Variants in ZDHHC15 observed in about 807,000 individuals in gnomAD.
ZDHHC15 encodes the protein zDHHC palmitoyltransferase 15.
Under a neutral mutation model 31.7 loss-of-function variants are expected in ZDHHC15, and 19 were observed. The ratio of observed to expected loss-of-function variants is 0.60; its 90% CI spans 0.42 to 0.88. ZDHHC15 has a LOEUF of 0.88. ZDHHC15 is among the 40% of genes least tolerant of loss of function. The pLI is 0.00. For synonymous variants in ZDHHC15, 103 were observed against 90.0 expected, an observed-to-expected ratio of 1.14 and a Z score of -0.82; for missense variants, 209 against 251.2, an observed-to-expected ratio of 0.83 and a Z score of 1.14.
chrX:75,371,266 A>T lies in ZDHHC15; in HGVS notation c.*1712T>A, dbSNP rs1011181322. The T allele has an allele frequency of 9.0e-6, 1 of 111,283 alleles. No homozygotes were observed. Among genetic ancestry groups the T allele is most frequent in the East Asian group, 2.8e-4 (1 of 3,536 alleles). 9.2% of individuals were successfully genotyped at this position (111,283 alleles called of 1,213,427 possible). A position where few individuals can be genotyped will look rare whatever the true frequency, so the allele number is the denominator to read the frequency against. ...ATTTTGAGAAAGAGTGTAAGGGGAAATTTTTTTCCATCTGAATATATAAGA... is the reference window on the plus strand; with the variant it reads ...ATTTTGAGAAAGAGTGTAAGGGGAATTTTTTTTCCATCTGAATATATAAGA... On this transcript the variant is annotated 3_prime_UTR_variant, in exon 12 of 12. Coordinates refer to ENST00000373367, the MANE Select transcript of ZDHHC15 (RefSeq NM_144969.3).
chrX:75,418,891 A>T (rs967155355), intron 9 of ZDHHC15, among the ~76,000 whole-genome samples: 6 of 112,297 alleles, frequency 5.3e-5, no homozygotes, highest in Non-Finnish European at 1.1e-4. Context: ...CAGGACATAG[A>T]CATGGGCAAA....
intron 4 of ZDHHC15, among the ~76,000 whole-genome samples, chrX:75,437,043 G>A (rs1285118084): frequency 9.1e-6 from 1 of 109,938 alleles, no homozygotes; most frequent in African/African-American, 3.3e-5. Flanking sequence ...CACCATGCCC[G>A]GCTAATTTTT....
At chrX:75,484,341 T>A (rs1336360168) in intron 2 of ZDHHC15, among the ~76,000 whole-genome samples, 1 of 111,989 alleles carries the variant, frequency 8.9e-6, no homozygotes, top group Non-Finnish European at 1.9e-5. Flanking sequence ...TACTCAGGCA[T>A]TTAAAGATCT....
chrX:75,453,723 C>T (rs1200655021), intron 3 of ZDHHC15, among the ~76,000 whole-genome samples: 1 of 110,645 alleles, frequency 9.0e-6, no homozygotes, highest in Non-Finnish European at 1.9e-5. Context: ...GGATGCAAGG[C>T]CTAGTTCAAC....
At chrX:75,442,207 G>A (rs778664417) in intron 4 of ZDHHC15, among the ~76,000 whole-genome samples, 2 of 111,868 alleles carry the variant, frequency 1.8e-5, no homozygotes, top group East Asian at 5.7e-4. Flanking sequence ...AGTGGGGGTG[G>A]GCTTCAACCA....
At chrX:75,496,268 T>C (rs2084997550) in intron 2 of ZDHHC15, among the ~76,000 whole-genome samples, 1 of 111,799 alleles carries the variant, frequency 8.9e-6, no homozygotes, top group Non-Finnish European at 1.9e-5. Flanking sequence ...AGAGACATTA[T>C]ATAATGATGA....
chrX:75,490,937 C>A (rs930270191), intron 2 of ZDHHC15, among the ~76,000 whole-genome samples: 1 of 111,860 alleles, frequency 8.9e-6, no homozygotes, highest in Admixed American at 9.5e-5. Flanking sequence ...TACCATCTCA[C>A]ACCAGTTAGA....
At chrX:75,427,405 T>C (rs1002249191) in intron 7 of ZDHHC15, among the ~76,000 whole-genome samples, 7 of 112,151 alleles carry the variant, frequency 6.2e-5, no homozygotes, top group African/African-American at 9.7e-5. Flanking sequence ...CTTTCAAGAA[T>C]GAAAAAAGCA....
At chrX:75,423,407 T>A (rs1057017524) in intron 8 of ZDHHC15, among the ~76,000 whole-genome samples, 12 of 106,905 alleles carry the variant, frequency 1.1e-4, no homozygotes, top group African/African-American at 4.1e-4. Flanking sequence ...TTACGTGTAC[T>A]CAGTCTTTAG....
chrX:75,442,276 C>A (rs1202195789), intron 4 of ZDHHC15, among the ~76,000 whole-genome samples: 3 of 111,535 alleles, frequency 2.7e-5, no homozygotes, highest in Non-Finnish European at 5.6e-5. Context: ...CACTCCTATT[C>A]AACATAGTGT....
In ZDHHC15 at chrX:75,406,889, C is replaced by T. The variant is rs143689599; in HGVS notation, c.967+10198G>A. 3.2e-3 allele frequency among the ~76,000 whole-genome samples: 360 copies of T among 112,153 alleles called. 2 individuals carry two copies. The highest frequency in any genetic ancestry group is 0.011 in the African/African-American group (344 of 30,926). On this transcript the variant is annotated intron_variant, in intron 10 of 11. Transcript: ENST00000373367. ...ACAAGGACACAGTGAAAAAAGAAAA[C>T]TCAGGCCAATATCACGGATGAACAC...
At chrX:75,513,513 G>A (rs918558720) in intron 1 of ZDHHC15, among the ~76,000 whole-genome samples, 2 of 111,229 alleles carry the variant, frequency 1.8e-5, no homozygotes, top group African/African-American at 6.5e-5. Context: ...ACATTTTAAA[G>A]TGGCTGCCTA....
chrX:75,408,835 A>G lies in ZDHHC15; in HGVS notation c.967+8252T>C, dbSNP rs1335256261. Among the ~76,000 whole-genome samples the G allele has an allele frequency of 7.1e-5, 8 of 112,641 alleles. No individual in the cohort carries two copies. In the Admixed American group the frequency reaches 7.5e-4, roughly 11 times the overall value. On this transcript the variant is annotated intron_variant, in intron 10 of 11. Coordinates refer to ENST00000373367, the MANE Select transcript of ZDHHC15 (RefSeq NM_144969.3). ...TCTTAAGAAATAAATCAAGGAAGTA[A>G]TTCCATTTCAAATAGTTACAAAGTA... is the stretch of plus-strand genomic sequence containing the variant.
At chrX:75,391,651 A>G (rs914853203) in intron 10 of ZDHHC15, among the ~76,000 whole-genome samples, 5 of 112,290 alleles carry the variant, frequency 4.5e-5, no homozygotes, top group Non-Finnish European at 7.5e-5. Context: ...AGAAATAAAA[A>G]CTTTCCCAGA....
intron 3 of ZDHHC15, among the ~76,000 whole-genome samples, chrX:75,471,993 GAACT>G (rs1231262873): frequency 8.9e-6 from 1 of 111,991 alleles, no homozygotes; most frequent in African/African-American, 3.2e-5. Context: ...CACGTGACCT[GAACT>G]ATCTATCATG....
chrX:75,407,847 C>A (rs1333968990), intron 10 of ZDHHC15, among the ~76,000 whole-genome samples: 1 of 112,197 alleles, frequency 8.9e-6, no homozygotes, highest in Non-Finnish European at 1.9e-5. Flanking sequence ...ATAGGAGACT[C>A]CATTTTGTTC....
In ZDHHC15 at chrX:75,474,268, C is replaced by G. The variant is rs533863065; in HGVS notation, c.258+4623G>C. ...TGAAAAGACTAGACTGGCCTAGCCT[C>G]CAAGCCTCGATCTTTCTCCTGTGCT... On this transcript the variant is annotated intron_variant, in intron 3 of 11. Coordinates refer to ENST00000373367, the MANE Select transcript of ZDHHC15 (RefSeq NM_144969.3). Among the ~76,000 whole-genome samples the G allele has an allele frequency of 5.1e-4, 56 of 109,562 alleles. No individual in the cohort carries two copies. In the Middle Eastern group the frequency reaches 0.014, roughly 28 times the overall value.
At chrX:75,449,830 T>A in intron 4 of ZDHHC15, among the ~76,000 whole-genome samples, 1 of 112,261 alleles carries the variant, frequency 8.9e-6, no homozygotes, top group Non-Finnish European at 1.9e-5. Context: ...TCAAACTTTT[T>A]AACATATTCC....
At chrX:75,373,604 G>A (rs1236746965) in intron 11 of ZDHHC15, among the ~76,000 whole-genome samples, 1 of 111,415 alleles carries the variant, frequency 9.0e-6, no homozygotes. Context: ...AAAGATTTAT[G>A]TTTAGTGATA....
Sources: gnomAD v4.1 joint callset for allele counts (sites outside exome capture counted in the v4.1 genomes callset) on GRCh38, gnomAD v4.1.1 for gene constraint, MANE v1.5 for transcripts, NCBI Gene and HGNC (gene_info 2026-07-23, HGNC 2026-07-21) for gene names.